Variants in ELMO1 observed in about 807,000 individuals in gnomAD.
ELMO1 encodes engulfment and cell motility 1, also known as engulfment and cell motility protein 1.
In ELMO1, 26 loss-of-function variants were observed where a neutral mutation model predicts 98.9. The ratio of observed to expected loss-of-function variants is 0.26; its 90% CI spans 0.19 to 0.36. The LOEUF (loss-of-function observed/expected upper bound fraction) is 0.36. Ranked by LOEUF, ELMO1 falls within the 10% of genes least tolerant of loss-of-function variation. The pLI is 1.00. For synonymous variants in ELMO1, 346 were observed against 346.0 expected (o/e 1.00, Z 0.00); for missense variants, 627 against 935.2 (o/e 0.67, Z 4.30).
chr7:37,268,582 G>A (rs1040695371), intron 5 of ELMO1, among the ~76,000 whole-genome samples: 5 of 152,148 alleles, frequency 3.3e-5, no homozygotes, highest in African/African-American at 4.8e-5. Flanking sequence ...TTACAGGTGT[G>A]AGCCACCACA....
chr7:37,057,206 G>A (rs1485851031), intron 15 of ELMO1, among the ~76,000 whole-genome samples: 2 of 151,854 alleles, frequency 1.3e-5, no homozygotes, highest in African/African-American at 2.4e-5. Flanking sequence ...CATTTGTGGC[G>A]GGCTTTACAC....
rs538282828 is a variant in ELMO1 at position 37,330,859 on chromosome 7, A to G, written c.78+11754T>C. ...CCAGCATCACTAGTCTTACATTTTG[A>G]AGCCATTATTAAGTAAAATAAGGGC... On this transcript the variant is annotated intron_variant, in intron 2 of 21. Coordinates refer to ENST00000310758, the MANE Select transcript of ELMO1 (RefSeq NM_014800.11). 5.3e-5 allele frequency among the ~76,000 whole-genome samples: 8 copies of G among 152,268 alleles called. No homozygotes were observed. In the South Asian group the frequency reaches 1.7e-3, roughly 32 times the overall value.
intron 16 of ELMO1, among the ~76,000 whole-genome samples, chr7:36,906,936 T>C (rs1784006945): frequency 6.6e-6 from 1 of 152,230 alleles, no homozygotes; most frequent in Admixed American, 6.5e-5. Context: ...ATTCTTACCC[T>C]ATTGCTTTAA....
chr7:37,164,376 C>A (rs1789478409), intron 13 of ELMO1, among the ~76,000 whole-genome samples: 1 of 151,890 alleles, frequency 6.6e-6, no homozygotes, highest in South Asian at 2.1e-4. Context: ...CTTTTGTTGC[C>A]ATTGCTTTTG....
intron 13 of ELMO1, among the ~76,000 whole-genome samples, chr7:37,154,349 G>A (rs766778962): frequency 5.3e-5 from 8 of 151,982 alleles, no homozygotes; most frequent in East Asian, 1.9e-4. Context: ...TCAGAAGGTC[G>A]GTAATAACAA....
intron 1 of ELMO1, among the ~76,000 whole-genome samples, chr7:37,406,067 G>A (rs990694389): frequency 3.3e-5 from 5 of 152,172 alleles, no homozygotes; most frequent in Middle Eastern, 3.2e-3. Context: ...TTTTCAAGCC[G>A]TTAAGCAGAC....
chr7:36,869,072 A>AGG lies in ELMO1; in HGVS notation c.1905+1320_1905+1321insCC, dbSNP rs376271487. Among the ~76,000 whole-genome samples the AGG allele has an allele frequency of 1.6e-4, 24 of 152,332 alleles. 1 individual carries two copies. The highest frequency in any genetic ancestry group is 5.8e-4 in the African/African-American group (24 of 41,570). The stretch of plus-strand genomic sequence containing the variant: ...TGCTATAGCTAAGGATGCTTCTCTA[A>AGG]TCTGCTGAGCTATAGAATCTCTGTC... On this transcript the variant is annotated intron_variant, in intron 20 of 21. Coordinates refer to ENST00000310758, the MANE Select transcript of ELMO1 (RefSeq NM_014800.11).
chr7:37,091,584 C>A (rs1784096866), intron 15 of ELMO1, among the ~76,000 whole-genome samples: 1 of 152,108 alleles, frequency 6.6e-6, no homozygotes, highest in South Asian at 2.1e-4. Flanking sequence ...CCACTCCCTG[C>A]CCCCTCCACT....
chr7:37,337,034 G>T (rs533273302), intron 2 of ELMO1, among the ~76,000 whole-genome samples: 2 of 152,088 alleles, frequency 1.3e-5, no homozygotes, highest in Non-Finnish European at 1.5e-5. Flanking sequence ...ATTTGACCCC[G>T]CAATCTCATT....
intron 13 of ELMO1, among the ~76,000 whole-genome samples, chr7:37,204,939 T>C (rs1323709804): frequency 6.6e-6 from 1 of 151,582 alleles, no homozygotes; most frequent in Non-Finnish European, 1.5e-5. Context: ...CCAAGTCCCC[T>C]ACCTGATTAG....
At chr7:36,917,021 A>G (rs924060001) in intron 16 of ELMO1, among the ~76,000 whole-genome samples, 1 of 152,250 alleles carries the variant, frequency 6.6e-6, no homozygotes, top group Non-Finnish European at 1.5e-5. Context: ...AGGAAAATTC[A>G]GTGAAATCTG....
rs536330064 is a variant in ELMO1 at position 36,870,865 on chromosome 7, A to G, written c.1823-390T>C. 6.6e-6 allele frequency among the ~76,000 whole-genome samples: 1 copy of G among 152,346 alleles called. No individual in the cohort carries two copies. Among genetic ancestry groups the G allele is most frequent in the South Asian group, 2.1e-4 (1 of 4,830 alleles). ...TTACAGAGGGCTCCTGTGTGACAAG[A>G]GCAATGCCAAGTGCTTTACATATAT... On this transcript the variant is annotated intron_variant, in intron 19 of 21. Coordinates refer to ENST00000310758, the MANE Select transcript of ELMO1 (RefSeq NM_014800.11). This position sits in a 1 kb window ranked among gnomAD's most constrained non-coding sequence, Gnocchi z 4.4.
chr7:37,315,363 A>T (rs1799097871), intron 3 of ELMO1, among the ~76,000 whole-genome samples: 1 of 152,140 alleles, frequency 6.6e-6, no homozygotes, highest in Non-Finnish European at 1.5e-5. Flanking sequence ...CCAATTAAGT[A>T]CTCTAGACCT....
In ELMO1 at chr7:36,896,700, G is replaced by T. The variant is rs1256075922; in HGVS notation, c.1438-1683C>A. ...TGTTTGTTTTTTTTTTTTAACTTAG[G>T]CAAAATGCCAAATTTGGGATGCTTG... On this transcript the variant is annotated intron_variant, in intron 16 of 21. Coordinates refer to ENST00000310758, the MANE Select transcript of ELMO1 (RefSeq NM_014800.11). Among the ~76,000 whole-genome samples the T allele has an allele frequency of 2.6e-5, 4 of 151,322 alleles. No homozygotes were observed. The East Asian group carries it at 5.8e-4, about 22-fold the overall frequency.
intron 16 of ELMO1, among the ~76,000 whole-genome samples, chr7:36,982,481 T>A (rs990661933): frequency 6.6e-6 from 1 of 152,258 alleles, no homozygotes; most frequent in African/African-American, 2.4e-5. Flanking sequence ...ACTTGCATCA[T>A]ATTTCCATTG....
chr7:36,983,860 T>C (rs747211724), intron 16 of ELMO1, among the ~76,000 whole-genome samples: 1 of 152,228 alleles, frequency 6.6e-6, no homozygotes, highest in African/African-American at 2.4e-5. Flanking sequence ...TATGTGTTTG[T>C]GCATGAATGC....
intron 16 of ELMO1, chr7:36,986,316 G>T: frequency 1.1e-6 from 1 of 937,172 alleles, no homozygotes; most frequent in Non-Finnish European, 1.3e-6. Flanking sequence ...TTCTCTTAGA[G>T]TATCACAAGA....
chr7:37,239,321 T>C (rs1562544291), intron 7 of ELMO1, among the ~76,000 whole-genome samples: 1 of 152,116 alleles, frequency 6.6e-6, no homozygotes, highest in African/African-American at 2.4e-5. Context: ...CCTGTCACCA[T>C]GCATGGATAA....
chr7:36,970,059 G>C (rs576191760), intron 16 of ELMO1, among the ~76,000 whole-genome samples: 3 of 152,040 alleles, frequency 2.0e-5, no homozygotes, highest in African/African-American at 7.2e-5. Context: ...CTCTTCTTCT[G>C]GATTCTCCAG....
Sources: gnomAD v4.1 joint callset for allele counts (sites outside exome capture counted in the v4.1 genomes callset) on GRCh38, gnomAD v4.1.1 for gene constraint, Gnocchi (gnomAD v3.1) non-coding constraint, MANE v1.5 for transcripts, NCBI Gene and HGNC (gene_info 2026-07-23, HGNC 2026-07-21) for gene names.